Variants in ACTR5 observed in about 807,000 individuals in gnomAD.
ACTR5 encodes actin-related protein 5.
A neutral mutation model predicts 61.2 loss-of-function variants in ACTR5; 43 were observed. The ratio of observed to expected loss-of-function variants is 0.70; its 90% CI spans 0.55 to 0.91. ACTR5 has a LOEUF of 0.91. Ranked by LOEUF, ACTR5 falls within the 40% of genes least tolerant of loss-of-function variation. The pLI, the probability that ACTR5 is intolerant of heterozygous loss-of-function variation, is 0.00. For synonymous variants in ACTR5, 333 were observed against 310.5 expected (o/e 1.07, Z -0.76); for missense variants, 798 against 782.2 (o/e 1.02, Z -0.24).
chr20:38,761,148 C>G (rs990319350), intron 5 of ACTR5, among the ~76,000 whole-genome samples: 1 of 152,130 alleles, frequency 6.6e-6, no homozygotes, highest in African/African-American at 2.4e-5. Context: ...TCTCGAACTC[C>G]TGGCCTCAAG....
intron 3 of ACTR5, among the ~76,000 whole-genome samples, chr20:38,753,981 C>T (rs2084402740): frequency 6.6e-6 from 1 of 151,154 alleles, no homozygotes; most frequent in South Asian, 2.1e-4. Flanking sequence ...CAACTTTTCA[C>T]AGTCTACTTA....
intron 2 of ACTR5, 143 bp downstream of exon 2, chr20:38,750,382 CTG>C: frequency 1.5e-6 from 1 of 681,582 alleles, no homozygotes; most frequent in Non-Finnish European, 2.5e-6. Flanking sequence ...AACTACCTCA[CTG>C]TGTGACTGGG....
At chr20:38,759,181 C>A (rs1417488579) in intron 5 of ACTR5, among the ~76,000 whole-genome samples, 1 of 152,240 alleles carries the variant, frequency 6.6e-6, no homozygotes, top group Non-Finnish European at 1.5e-5. Context: ...ATAGAAAGTT[C>A]TCCGGCTTTA....
chr20:38,763,504 T>C (rs1283251896), intron 5 of ACTR5, among the ~76,000 whole-genome samples: 1 of 152,250 alleles, frequency 6.6e-6, no homozygotes, highest in Non-Finnish European at 1.5e-5. Context: ...TATTACCTAC[T>C]CTGACCTCAG....
intron 2 of ACTR5, among the ~76,000 whole-genome samples, chr20:38,750,714 C>A (rs2425366): frequency 6.6e-6 from 1 of 151,720 alleles, no homozygotes; most frequent in Non-Finnish European, 1.5e-5. Context: ...GGGCAACGTC[C>A]GCCTCCCGGG....
Position 38,754,922 on chromosome 20 carries a change from T to A in ACTR5, c.776-35T>A, listed in dbSNP as rs763823068. ...CTTTAATTGTTGTGTTAATAGTGTT[T>A]CCATTTCATAACTTTCAAAATTGTT... On this transcript the variant is annotated intron_variant, in intron 3 of 8. Coordinates refer to ENST00000243903, the MANE Select transcript of ACTR5 (RefSeq NM_024855.4). The A allele has an allele frequency of 5.0e-6, 8 of 1,604,310 alleles. No individual in the cohort carries two copies. The African/African-American group carries it at 1.1e-4, about 21-fold the overall frequency.
At chr20:38,766,499 C>A (rs909919698) in intron 7 of ACTR5, 122 bp downstream of exon 7, 12 of 1,255,856 alleles carry the variant, frequency 9.6e-6, no homozygotes, top group African/African-American at 4.5e-5. Context: ...TTTTCATTGA[C>A]TTGCTGTGCT....
At chr20:38,766,752 G>T (rs2084489369) in intron 7 of ACTR5, among the ~76,000 whole-genome samples, 1 of 152,090 alleles carries the variant, frequency 6.6e-6, no homozygotes, top group Admixed American at 6.5e-5. Context: ...CTCCTTGCAG[G>T]CATTTTACTT....
In ACTR5 at chr20:38,766,347, T is replaced by C. The variant is rs1210392930; in HGVS notation, c.1403T>C (p.Ile468Thr). The change falls in exon 7 of 9, where the codon ATT (isoleucine) becomes ACT (threonine). Residue 468 changes from isoleucine to threonine, a missense_variant. Physicochemically the swap from Ile to Thr is moderately conservative, Grantham distance 89. Transcript: ENST00000243903. ...PSLIGEEQAG[I>T]AETLQYILDR... ...CTCATAGGAGAAGAACAGGCTGGGA[T>C]TGCAGAGACTCTTCAGTACATTCTG... The C allele has an allele frequency of 2.5e-6, 4 of 1,612,310 alleles. No individual in the cohort carries two copies. The highest frequency in any genetic ancestry group is 3.4e-6 in the Non-Finnish European group (4 of 1,179,654).
intron 1 of ACTR5, among the ~76,000 whole-genome samples, chr20:38,749,643 T>C (rs1291868423): frequency 6.6e-6 from 1 of 152,162 alleles, no homozygotes; most frequent in Non-Finnish European, 1.5e-5. Flanking sequence ...TCTTGGATCA[T>C]AGGGTGGAAA....
intron 5 of ACTR5, among the ~76,000 whole-genome samples, chr20:38,757,604 T>G (rs1056599380): frequency 3.3e-5 from 5 of 152,072 alleles, no homozygotes; most frequent in African/African-American, 1.2e-4. Flanking sequence ...AGCATAGTGC[T>G]TATCAGTGAT....
chr20:38,751,656 G>C (rs2084387840), intron 2 of ACTR5, among the ~76,000 whole-genome samples: 1 of 152,146 alleles, frequency 6.6e-6, no homozygotes, highest in Admixed American at 6.5e-5. Flanking sequence ...CAGTAAGTCA[G>C]GATGCGTGTG....
At chr20:38,762,419 C>T (rs1289061549) in intron 5 of ACTR5, among the ~76,000 whole-genome samples, 3 of 152,206 alleles carry the variant, frequency 2.0e-5, no homozygotes, top group Admixed American at 6.5e-5. Context: ...TTGCACCATA[C>T]TTTGTTGGTT....
At chr20:38,750,393 G>A (rs956782271) in intron 2 of ACTR5, among the ~76,000 whole-genome samples, 154 bp downstream of exon 2, 1 of 152,182 alleles carries the variant, frequency 6.6e-6, no homozygotes, top group Non-Finnish European at 1.5e-5. Flanking sequence ...TGTGTGACTG[G>A]GTAAGTCCCT....
At chr20:38,750,386 GTGAC>G (rs2084379588) in intron 2 of ACTR5, 147 bp downstream of exon 2, 1 of 674,124 alleles carries the variant, frequency 1.5e-6, no homozygotes, top group Non-Finnish European at 2.5e-6. Flanking sequence ...ACCTCACTGT[GTGAC>G]TGGGTAAGTC....
intron 2 of ACTR5, among the ~76,000 whole-genome samples, 160 bp downstream of exon 2, chr20:38,750,399 T>C (rs1394518662): frequency 6.6e-6 from 1 of 152,220 alleles, no homozygotes; most frequent in Non-Finnish European, 1.5e-5. Flanking sequence ...ACTGGGTAAG[T>C]CCCTTTGCCC....
chr20:38,758,033 A>G (rs551349881), intron 5 of ACTR5, among the ~76,000 whole-genome samples: 1 of 152,018 alleles, frequency 6.6e-6, no homozygotes, highest in South Asian at 2.1e-4. Context: ...TGTTAGCAGG[A>G]CATAGTTTTC....
intron 3 of ACTR5, among the ~76,000 whole-genome samples, chr20:38,752,883 G>C (rs976490213): frequency 1.3e-5 from 2 of 151,996 alleles, no homozygotes; most frequent in Non-Finnish European, 2.9e-5. Context: ...GATCTCAGCT[G>C]ACCAATAATG....
At chr20:38,759,735 G>A (rs1276951715) in intron 5 of ACTR5, among the ~76,000 whole-genome samples, 2 of 152,098 alleles carry the variant, frequency 1.3e-5, no homozygotes, top group East Asian at 3.8e-4. Context: ...GCCTTCCTGG[G>A]TACCTCAAAA....
Sources: allele counts gnomAD v4.1 joint callset (sites outside exome capture counted in the v4.1 genomes callset), GRCh38; gene constraint gnomAD v4.1.1; transcripts MANE v1.5; gene names NCBI Gene and HGNC (gene_info 2026-07-23, HGNC 2026-07-21).